The following PACS1 variants were observed in gnomAD, a reference collection of about 807,000 sequenced individuals.
PACS1 encodes the protein phosphofurin acidic cluster sorting protein 1, also known as PACS-1.
In PACS1, 24 loss-of-function variants were observed where a neutral mutation model predicts 115.0. The ratio of observed to expected loss-of-function variants is 0.21; its 90% CI spans 0.15 to 0.29. The LOEUF is 0.29. Ranked by LOEUF, PACS1 falls within the 10% of genes least tolerant of loss-of-function variation. The pLI is 1.00. For synonymous variants in PACS1, 453 were observed against 504.5 expected, an observed-to-expected ratio of 0.90 and a Z score of 1.37; for missense variants, 838 against 1,251.2, an observed-to-expected ratio of 0.67 and a Z score of 4.98.
intron 1 of PACS1, among the ~76,000 whole-genome samples, chr11:66,137,591 C>T (rs1858876658): frequency 6.6e-6 from 1 of 152,200 alleles, no homozygotes; most frequent in Admixed American, 6.5e-5. Context: ...TCTGACTCTG[C>T]TCCTTCCTGC....
rs767636532 is a variant in PACS1 at position 66,070,702 on chromosome 11, C to G, written c.216C>G (p.Thr72=). The change falls in exon 1 of 24, where the codon ACC becomes ACG. Residue 72 remains threonine (T), a synonymous_variant. Coordinates refer to ENST00000320580, the MANE Select transcript of PACS1 (RefSeq NM_018026.4). The surrounding 1 kb of genome is among the most constrained non-coding windows in gnomAD (Gnocchi z 5.9). ...AAAASSSSSS[T]STSMAVAVAS... ...CTGCCTCCTCCTCGTCCTCGTCTAC[C>G]TCCACCTCCATGGCCGTGGCGGTGG... 6.3e-5 allele frequency: 99 copies of G among 1,580,062 alleles called. No individual in the cohort carries two copies. The highest frequency in any genetic ancestry group is 8.1e-5 in the Non-Finnish European group (95 of 1,170,754).
intron 1 of PACS1, among the ~76,000 whole-genome samples, chr11:66,164,075 AAG>A (rs748822485): frequency 3.3e-5 from 5 of 152,194 alleles, no homozygotes; most frequent in Admixed American, 6.5e-5. Context: ...AGAAAGGAAA[AAG>A]AGTGAAATCA....
intron 1 of PACS1, among the ~76,000 whole-genome samples, chr11:66,181,184 CTT>C (rs59452516): frequency 2.7e-5 from 4 of 145,586 alleles, no homozygotes; most frequent in South Asian, 2.2e-4. Context: ...TTTTCTGTTG[CTT>C]TTTTTTTTAT....
intron 19 of PACS1, chr11:66,238,008 G>A: frequency 3.1e-6 from 3 of 963,892 alleles, no homozygotes; most frequent in Non-Finnish European, 3.7e-6. Flanking sequence ...CTTTGCCTAG[G>A]CCTGGGCCCA....
At position 66,166,895 on chromosome 11, in the gene PACS1, A is replaced by G. The variant is rs193264427; in HGVS notation, c.357-26591A>G. Among the ~76,000 whole-genome samples the G allele has an allele frequency of 4.0e-5, 6 of 150,340 alleles. 1 individual carries two copies. Among genetic ancestry groups the G allele is most frequent in the African/African-American group, 1.5e-4 (6 of 39,678 alleles). ...GCTCATTTTTCAGATGAGGGAGCAG[A>G]GACATAGGAAGATGAGTAACTTACC... On this transcript the variant is annotated intron_variant, in intron 1 of 23. Coordinates refer to ENST00000320580, the MANE Select transcript of PACS1 (RefSeq NM_018026.4).
At chr11:66,210,990 A>T (rs1855058086) in intron 3 of PACS1, 144 bp from the exon 4 acceptor site, 2 of 917,354 alleles carry the variant, frequency 2.2e-6, no homozygotes, top group Non-Finnish European at 3.4e-6. Flanking sequence ...CACCAGCAGC[A>T]ACTTCATGGC....
At chr11:66,132,158 A>C (rs1257851616) in intron 1 of PACS1, among the ~76,000 whole-genome samples, 1 of 152,150 alleles carries the variant, frequency 6.6e-6, no homozygotes, top group East Asian at 1.9e-4. Flanking sequence ...TGACTGGATT[A>C]TGGGGGCGGT....
intron 2 of PACS1, among the ~76,000 whole-genome samples, chr11:66,205,412 A>C (rs1405426999): frequency 1.3e-5 from 2 of 152,022 alleles, no homozygotes; most frequent in Non-Finnish European, 1.5e-5. Context: ...GTATAATTGG[A>C]ATATTTGTAA....
chr11:66,243,107 G>A, intron 23 of PACS1, 58 bp from the exon 24 acceptor site: 1 of 1,611,512 alleles, frequency 6.2e-7, no homozygotes, highest in Non-Finnish European at 8.5e-7. Context: ...CTTTCCCAAG[G>A]GGCCCTGGGG....
At chr11:66,198,598 G>A (rs1463152039) in intron 2 of PACS1, among the ~76,000 whole-genome samples, 1 of 152,014 alleles carries the variant, frequency 6.6e-6, no homozygotes, top group Non-Finnish European at 1.5e-5. Flanking sequence ...TAGGGGTGGG[G>A]GTGGGCAGAC....
Position 66,196,248 on chromosome 11 carries a change from T to G in PACS1, c.444+2675T>G, listed in dbSNP as rs1004685265. On this transcript the variant is annotated intron_variant, in intron 2 of 23. Coordinates refer to ENST00000320580, the MANE Select transcript of PACS1 (RefSeq NM_018026.4). Reference sequence around the variant, plus strand: ...CAAACAAGGGAGAGAAAGCCAGTTTTGCTTAAGAATGTTCTTAAGAAAGCA... The same window carrying G: ...CAAACAAGGGAGAGAAAGCCAGTTTGGCTTAAGAATGTTCTTAAGAAAGCA... Among the ~76,000 whole-genome samples the G allele has an allele frequency of 6.6e-5, 10 of 152,358 alleles. 1 individual carries two copies. The highest frequency in any genetic ancestry group is 6.5e-4 in the Admixed American group (10 of 15,306).
At chr11:66,228,642 C>T (rs1222630882) in intron 11 of PACS1, among the ~76,000 whole-genome samples, 5 of 152,018 alleles carry the variant, frequency 3.3e-5, no homozygotes, top group South Asian at 4.1e-4. Flanking sequence ...AAAAAGAAGC[C>T]GAATGCCAAA....
chr11:66,097,030 T>TG (rs1192463750), intron 1 of PACS1, among the ~76,000 whole-genome samples: 1 of 152,132 alleles, frequency 6.6e-6, no homozygotes, highest in Non-Finnish European at 1.5e-5. Flanking sequence ...GTACATATGT[T>TG]GGAGTGGAAT....
intron 1 of PACS1, among the ~76,000 whole-genome samples, chr11:66,091,075 G>C (rs183191522): frequency 1.3e-5 from 2 of 152,036 alleles, no homozygotes; most frequent in East Asian, 3.8e-4. Flanking sequence ...AAAGACAAAT[G>C]CTCCTTTTAA....
intron 1 of PACS1, among the ~76,000 whole-genome samples, chr11:66,164,517 G>C (rs1440041545): frequency 1.4e-5 from 2 of 142,250 alleles, no homozygotes; most frequent in African/African-American, 5.3e-5. Context: ...TTAAGCCCAG[G>C]AGTTCAAATC....
intron 4 of PACS1, among the ~76,000 whole-genome samples, chr11:66,212,263 C>T (rs1855089678): frequency 6.6e-6 from 1 of 151,508 alleles, no homozygotes; most frequent in African/African-American, 2.4e-5. Context: ...TCCTGAGTAG[C>T]TGGGACTACA....
At chr11:66,216,020 G>A (rs1245685720) in intron 4 of PACS1, 99 bp from the exon 5 acceptor site, 8 of 1,054,556 alleles carry the variant, frequency 7.6e-6, no homozygotes, top group Non-Finnish European at 1.1e-5. Flanking sequence ...AAACGTATCA[G>A]CAGAATGCTG....
In PACS1 at chr11:66,171,107, G is replaced by A. The variant is rs560569098; in HGVS notation, c.357-22379G>A. Among the ~76,000 whole-genome samples the A allele has an allele frequency of 5.3e-5, 8 of 150,416 alleles. No homozygotes were observed. In the South Asian group the frequency reaches 1.7e-3, roughly 31 times the overall value. On this transcript the variant is annotated intron_variant, in intron 1 of 23. Coordinates refer to ENST00000320580, the MANE Select transcript of PACS1 (RefSeq NM_018026.4). The stretch of plus-strand genomic sequence containing the variant: ...AATTATCAATTACTAAGAGAGGTAT[G>A]TTAAAATATGCCCCTCTGATAAGTA...
Position 66,210,415 on chromosome 11 carries a change from G to A in PACS1, c.498G>A (p.Leu166=). 2 of 1,613,858 alleles carry A rather than the reference G, an allele frequency of 1.2e-6. No individual in the cohort carries two copies. Among genetic ancestry groups the A allele is most frequent in the Non-Finnish European group, 1.7e-6 (2 of 1,179,762 alleles). ...AGATCGTCCTTCCAGCTAGTGGACT[G>A]GTGGAAACAGAGCTCCAATTAACCT... ...SNEIVLPASG[L]VETELQLTFS... Residue 166 remains leucine (L), a synonymous_variant, in exon 3 of 24, where the codon CTG becomes CTA. Transcript: ENST00000320580.
Sources: gnomAD v4.1 joint callset for allele counts (sites outside exome capture counted in the v4.1 genomes callset) on GRCh38, gnomAD v4.1.1 for gene constraint, Gnocchi (gnomAD v3.1) non-coding constraint, MANE v1.5 for transcripts, NCBI Gene and HGNC (gene_info 2026-07-23, HGNC 2026-07-21) for gene names.